Variants in CHCHD3 observed in about 807,000 individuals in gnomAD.
CHCHD3 encodes the protein MICOS complex subunit MIC19.
Under a neutral mutation model 38.2 loss-of-function variants are expected in CHCHD3, and 20 were observed. The ratio of observed to expected loss-of-function variants is 0.52; its 90% CI spans 0.37 to 0.76. The LOEUF is 0.76. Ranked by LOEUF, CHCHD3 falls within the 30% of genes least tolerant of loss-of-function variation. The pLI, the probability that CHCHD3 is intolerant of heterozygous loss-of-function variation, is 0.00. For missense variants in CHCHD3, 245 were observed against 279.2 expected, an observed-to-expected ratio of 0.88 and a Z score of 0.87; for synonymous variants, 82 against 100.0, an observed-to-expected ratio of 0.82 and a Z score of 1.07.
intron 4 of CHCHD3, among the ~76,000 whole-genome samples, chr7:132,957,021 T>C (rs1562920791): frequency 1.3e-5 from 2 of 152,220 alleles, no homozygotes; most frequent in Non-Finnish European, 2.9e-5. Context: ...GTGTAACTGC[T>C]AATCCCAAGC....
At chr7:132,959,958 C>T (rs1811272610) in intron 4 of CHCHD3, among the ~76,000 whole-genome samples, 1 of 152,036 alleles carries the variant, frequency 6.6e-6, no homozygotes, top group South Asian at 2.1e-4. Flanking sequence ...AAGATTATAA[C>T]CAAGTCAAAG....
At chr7:132,884,796 T>C (rs1313783911) in intron 5 of CHCHD3, among the ~76,000 whole-genome samples, 1 of 152,184 alleles carries the variant, frequency 6.6e-6, no homozygotes, top group African/African-American at 2.4e-5. Flanking sequence ...TGCCTTCTTT[T>C]GTCCATCTCT....
At chr7:132,814,181 G>A (rs1302168572) in intron 6 of CHCHD3, among the ~76,000 whole-genome samples, 1 of 152,144 alleles carries the variant, frequency 6.6e-6, no homozygotes, top group East Asian at 1.9e-4. Context: ...ATTCAAACAG[G>A]CCAGAAACTG....
At chr7:133,046,738 G>A (rs1813998863) in intron 2 of CHCHD3, among the ~76,000 whole-genome samples, 1 of 151,936 alleles carries the variant, frequency 6.6e-6, no homozygotes, top group Non-Finnish European at 1.5e-5. Context: ...AATTTTTTGT[G>A]TTTTTTAGTA....
At chr7:132,987,109 T>C (rs1381041108) in intron 3 of CHCHD3, among the ~76,000 whole-genome samples, 3 of 152,194 alleles carry the variant, frequency 2.0e-5, no homozygotes, top group East Asian at 3.8e-4. Flanking sequence ...GACTTCAATA[T>C]TGAACACATC....
intron 1 of CHCHD3, among the ~76,000 whole-genome samples, chr7:133,079,507 A>G (rs1274525486): frequency 6.6e-6 from 1 of 152,190 alleles, no homozygotes; most frequent in Non-Finnish European, 1.5e-5. Context: ...CTATCATAAT[A>G]ATGGCTGCCT....
At chr7:132,797,906 G>C (rs537786486) in intron 6 of CHCHD3, among the ~76,000 whole-genome samples, 6 of 152,042 alleles carry the variant, frequency 3.9e-5, no homozygotes, top group Non-Finnish European at 8.8e-5. Flanking sequence ...CTTGAAATTC[G>C]TGTTTTTTCA....
At chr7:132,825,136 T>G (rs1807477374) in intron 6 of CHCHD3, among the ~76,000 whole-genome samples, 1 of 152,196 alleles carries the variant, frequency 6.6e-6, no homozygotes, top group Non-Finnish European at 1.5e-5. Flanking sequence ...ATGTCTGTAT[T>G]TTCAGGGCCC....
intron 2 of CHCHD3, 99 bp downstream of exon 2, chr7:133,070,043 A>C (rs1306290468): frequency 1.2e-6 from 1 of 803,022 alleles, no homozygotes; most frequent in African/African-American, 1.8e-5. Flanking sequence ...AAACATCTAA[A>C]TAACGAAAGA....
chr7:132,795,538 C>T (rs1485350384), intron 7 of CHCHD3, among the ~76,000 whole-genome samples: 1 of 152,130 alleles, frequency 6.6e-6, no homozygotes, highest in African/African-American at 2.4e-5. Flanking sequence ...ATAATACTAA[C>T]CCTCCCGTCG....
At chr7:132,854,546 G>C (rs559378920) in intron 5 of CHCHD3, among the ~76,000 whole-genome samples, 1 of 152,242 alleles carries the variant, frequency 6.6e-6, no homozygotes, top group East Asian at 1.9e-4. Flanking sequence ...GCAACCACAA[G>C]GTCAATACAG....
At chr7:132,951,736 T>C (rs1811040878) in intron 4 of CHCHD3, among the ~76,000 whole-genome samples, 1 of 152,234 alleles carries the variant, frequency 6.6e-6, no homozygotes, top group Admixed American at 6.5e-5. Flanking sequence ...TTTGCAGTTT[T>C]ACAAAGTGCT....
intron 4 of CHCHD3, among the ~76,000 whole-genome samples, chr7:132,939,772 G>A (rs1562914908): frequency 2.0e-5 from 3 of 152,140 alleles, no homozygotes; most frequent in Non-Finnish European, 4.4e-5. Flanking sequence ...TAAACTAGGC[G>A]GAAAATGCTG....
At chr7:133,003,371 C>CT (rs1584635393) in intron 3 of CHCHD3, among the ~76,000 whole-genome samples, 1 of 152,120 alleles carries the variant, frequency 6.6e-6, no homozygotes, top group East Asian at 1.9e-4. Flanking sequence ...GTAAATTAAC[C>CT]TTTCTGGGTT....
At position 133,001,382 on chromosome 7, in the gene CHCHD3, C is replaced by T. The variant is rs568152038; in HGVS notation, c.251+23164G>A. ...AGCTGCAGAGATCCTTGGATTTTTA[C>T]AGAGGGCCTCCAAGCCCTTGAAAAT... On this transcript the variant is annotated intron_variant, in intron 3 of 7. Transcript: ENST00000262570. 8.3e-4 allele frequency among the ~76,000 whole-genome samples: 126 copies of T among 152,296 alleles called. 1 individual carries two copies. The highest frequency in any genetic ancestry group is 1.5e-3 in the South Asian group (7 of 4,822).
rs547548812 is a variant in CHCHD3, at chr7:133,033,629, T to C, written c.170-9002A>G. On this transcript the variant is annotated intron_variant, in intron 2 of 7. Coordinates refer to ENST00000262570, the MANE Select transcript of CHCHD3 (RefSeq NM_017812.4). ...CACAGATAGATAGTCACAAATAATCTACTAATATTTATATGGATTTTTCAA... is the reference window on the plus strand; with the variant it reads ...CACAGATAGATAGTCACAAATAATCCACTAATATTTATATGGATTTTTCAA... Among the ~76,000 whole-genome samples the C allele has an allele frequency of 2.0e-5, 3 of 152,268 alleles. No individual in the cohort carries two copies. The East Asian group carries it at 5.8e-4, about 29-fold the overall frequency.
chr7:132,796,032 T>G (rs1309210702), intron 7 of CHCHD3, among the ~76,000 whole-genome samples: 4 of 151,902 alleles, frequency 2.6e-5, no homozygotes, highest in Non-Finnish European at 5.9e-5. Context: ...GTTTTGTTTT[T>G]TTTTTAACCT....
intron 4 of CHCHD3, among the ~76,000 whole-genome samples, 171 bp downstream of exon 4, chr7:132,974,998 G>GT (rs1811723944): frequency 1.3e-5 from 2 of 152,172 alleles, no homozygotes; most frequent in Admixed American, 1.3e-4. Flanking sequence ...AGTCCTTGAT[G>GT]GTTAAACCTA....
chr7:133,081,952 C>A lies in CHCHD3; in HGVS notation c.-15G>T, dbSNP rs954731278. 5.2e-6 allele frequency: 8 copies of A among 1,537,332 alleles called. No homozygotes were observed. The highest frequency in any genetic ancestry group is 7.0e-6 in the Non-Finnish European group (8 of 1,139,830). On this transcript the variant is annotated 5_prime_UTR_variant, in exon 1 of 8. Transcript: ENST00000262570. ...GTCCCACCCATGATTCCGGTTCCTG[C>A]CCCAGCGGAGACCTAGCGGGGAACC...
Sources: allele counts gnomAD v4.1 joint callset (sites outside exome capture counted in the v4.1 genomes callset), GRCh38; gene constraint gnomAD v4.1.1; transcripts MANE v1.5; gene names NCBI Gene and HGNC (gene_info 2026-07-23, HGNC 2026-07-21).